HIKESHI: variants seen among roughly 807,000 people sequenced by gnomAD.
HIKESHI encodes heat shock protein nuclear import factor hikeshi.
HIKESHI carries 13 observed loss-of-function variants against 25.7 expected under a neutral mutation model. The observed-to-expected ratio is 0.51, with a 90% CI of 0.33 to 0.80. HIKESHI has a LOEUF of 0.80. Among genes scored for constraint, HIKESHI ranks in the 30% least tolerant of loss-of-function variants. The probability of loss-of-function intolerance (pLI) is 0.02; values close to 1 mark genes in which losing one functional copy is unlikely to be tolerated. For missense variants in HIKESHI, 174 were observed against 229.5 expected (o/e 0.76, Z 1.56); for synonymous variants, 76 against 78.7 (o/e 0.97, Z 0.18).
chr11:86,342,434 G>C (rs1377636357), intron 3 of HIKESHI, among the ~76,000 whole-genome samples: 1 of 151,528 alleles, frequency 6.6e-6, no homozygotes, highest in Admixed American at 6.6e-5. Context: ...TTTAATGTTT[G>C]AGAAATCCTT....
chr11:86,303,465 G>A, intron 1 of HIKESHI: 1 of 952,758 alleles, frequency 1.0e-6, no homozygotes, highest in East Asian at 1.2e-4. Flanking sequence ...ATCCTGGTGA[G>A]ATAATTTTGC....
At chr11:86,331,704 A>G (rs1443567189) in intron 2 of HIKESHI, among the ~76,000 whole-genome samples, 1 of 152,142 alleles carries the variant, frequency 6.6e-6, no homozygotes, top group Non-Finnish European at 1.5e-5. Flanking sequence ...GATAAATTAT[A>G]TTTTTATCTA....
intron 3 of HIKESHI, among the ~76,000 whole-genome samples, chr11:86,342,477 TCGTGTGTGTGTGTGTGTGTG>T (rs902454081): frequency 3.0e-5 from 3 of 100,512 alleles, no homozygotes; most frequent in African/African-American, 1.2e-4. Context: ...ATAAAGATGT[TCGTGTGTGTGTGTGTGTGTG>T]TGTGTGTGTG....
intron 2 of HIKESHI, among the ~76,000 whole-genome samples, chr11:86,328,156 G>A (rs188903708): frequency 2.6e-5 from 4 of 152,280 alleles, no homozygotes; most frequent in Admixed American, 2.6e-4. Flanking sequence ...TCCTGAAATA[G>A]AGCAGGGATT....
intron 2 of HIKESHI, among the ~76,000 whole-genome samples, chr11:86,318,770 T>C (rs1947066448): frequency 6.6e-6 from 1 of 152,226 alleles, no homozygotes; most frequent in Non-Finnish European, 1.5e-5. Flanking sequence ...AATGTTATTT[T>C]ATTTAGATGC....
At chr11:86,307,236 ATCATATATCAAATATATAT>A (rs1946656943) in intron 2 of HIKESHI, among the ~76,000 whole-genome samples, 2 of 74,958 alleles carry the variant, frequency 2.7e-5, no homozygotes, top group African/African-American at 1.0e-4. Flanking sequence ...TGTAATATAC[ATCATATATCAAATATATAT>A]TATGTGTAAT....
In HIKESHI at chr11:86,306,362, A is replaced by G. The variant is rs746062689; in HGVS notation, c.148A>G (p.Met50Val). The G allele has an allele frequency of 6.2e-6, 10 of 1,613,532 alleles. No individual in the cohort carries two copies. Among genetic ancestry groups the G allele is most frequent in the Non-Finnish European group, 7.6e-6 (9 of 1,179,440 alleles). The change falls in exon 2 of 5, where the codon ATG (methionine) becomes GTG (valine). Residue 50 changes from methionine (M) to valine (V), a missense_variant. Physicochemically the swap from Met to Val is conservative, Grantham distance 21. Coordinates refer to ENST00000278483, the MANE Select transcript of HIKESHI (RefSeq NM_016401.4). ...MLGTIPFPEGMGGSVYFSYPD... is the reference protein window; with the variant it reads ...MLGTIPFPEGVGGSVYFSYPD... ...GGGAACAATCCCATTTCCTGAGGGA[A>G]TGGGAGGATCTGTCTACTTTTCTTA...
intron 2 of HIKESHI, among the ~76,000 whole-genome samples, chr11:86,318,921 G>A (rs1223920705): frequency 6.6e-6 from 1 of 151,912 alleles, no homozygotes; most frequent in Non-Finnish European, 1.5e-5. Context: ...ATAATTTTTT[G>A]TTTGTTTGTT....
At chr11:86,315,829 A>G (rs1215188511) in intron 2 of HIKESHI, among the ~76,000 whole-genome samples, 3 of 152,196 alleles carry the variant, frequency 2.0e-5, no homozygotes, top group Non-Finnish European at 2.9e-5. Flanking sequence ...TTGATTGTGT[A>G]AAACAGCATA....
chr11:86,306,412 A>G lies in HIKESHI; in HGVS notation c.198A>G (p.Val66=), dbSNP rs1054353656. The G allele has an allele frequency of 1.9e-6, 3 of 1,614,048 alleles. No homozygotes were observed. The highest frequency in any genetic ancestry group is 2.5e-6 in the Non-Finnish European group (3 of 1,179,908). ...ATCCTGATTCAAATGGAATGCCAGT[A>G]TGGCAACTCCTAGGATTTGTCACGA... ...FSYPDSNGMP[V]WQLLGFVTNG... is the part of the protein sequence containing the mutation. Residue 66 remains valine, a synonymous_variant, in exon 2 of 5, where the codon GTA becomes GTG. Transcript: ENST00000278483.
chr11:86,329,430 G>T (rs1336730762), intron 2 of HIKESHI, among the ~76,000 whole-genome samples: 3 of 152,054 alleles, frequency 2.0e-5, no homozygotes, highest in Non-Finnish European at 2.9e-5. Flanking sequence ...TATCCTGAAG[G>T]ATGAAGGAAA....
At chr11:86,345,433 G>C in intron 4 of HIKESHI, 151 bp from the exon 5 acceptor site, 1 of 551,976 alleles carries the variant, frequency 1.8e-6, no homozygotes, top group South Asian at 2.6e-5. Flanking sequence ...CTTTTTATAA[G>C]AATAATTACA....
intron 2 of HIKESHI, among the ~76,000 whole-genome samples, chr11:86,319,178 G>C (rs954353376): frequency 1.4e-5 from 2 of 146,280 alleles, no homozygotes; most frequent in African/African-American, 5.1e-5. Flanking sequence ...TTCCAGAAGT[G>C]CTGGGATTAT....
chr11:86,306,191 G>T, intron 1 of HIKESHI, 54 bp from the exon 2 acceptor site: 1 of 1,136,714 alleles, frequency 8.8e-7, no homozygotes, highest in South Asian at 1.3e-5. Flanking sequence ...ATACTGTTAA[G>T]AGTTACAGAA....
intron 3 of HIKESHI, among the ~76,000 whole-genome samples, chr11:86,340,237 A>T (rs547084928): frequency 6.6e-6 from 1 of 152,336 alleles, no homozygotes; most frequent in Admixed American, 6.5e-5. Flanking sequence ...TTATAGCAGC[A>T]TGATTTGTAA....
At chr11:86,326,277 G>A (rs1021590613) in intron 2 of HIKESHI, among the ~76,000 whole-genome samples, 19 of 151,958 alleles carry the variant, frequency 1.3e-4, no homozygotes, top group Non-Finnish European at 1.5e-5. Flanking sequence ...CAGCCTGGGC[G>A]ACAGAGGGAG....
At chr11:86,302,533 C>A in intron 1 of HIKESHI, 55 bp downstream of exon 1, 1 of 1,535,464 alleles carries the variant, frequency 6.5e-7, no homozygotes, top group Non-Finnish European at 8.8e-7. Flanking sequence ...AGGGCGAAGC[C>A]CTACGGCAGG....
chr11:86,336,913 T>C (rs1947578926), intron 2 of HIKESHI, among the ~76,000 whole-genome samples: 2 of 150,790 alleles, frequency 1.3e-5, no homozygotes, highest in Non-Finnish European at 3.0e-5. Context: ...TAGACGGTAG[T>C]GGATTGGCAT....
chr11:86,315,106 A>AGT (rs1400929400), intron 2 of HIKESHI, among the ~76,000 whole-genome samples: 1 of 152,216 alleles, frequency 6.6e-6, no homozygotes, highest in Non-Finnish European at 1.5e-5. Context: ...TGTGCCTAGA[A>AGT]GTAGACAGTG....
Sources: allele counts gnomAD v4.1 joint callset (sites outside exome capture counted in the v4.1 genomes callset), GRCh38; gene constraint gnomAD v4.1.1; transcripts MANE v1.5; gene names NCBI Gene and HGNC (gene_info 2026-07-23, HGNC 2026-07-21).